Variants in KDM7A observed in about 807,000 individuals in gnomAD.
KDM7A encodes lysine demethylase 7A.
In KDM7A, 28 loss-of-function variants were observed where a neutral mutation model predicts 114.8. The ratio of observed to expected loss-of-function variants is 0.24; its 90% CI spans 0.18 to 0.33. The LOEUF is 0.33. KDM7A is among the 10% of genes least tolerant of loss of function. The pLI is 1.00. For missense variants in KDM7A, 942 were observed against 1,142.5 expected (o/e 0.82, Z 2.53); for synonymous variants, 423 against 397.8 (o/e 1.06, Z -0.75).
intron 1 of KDM7A, among the ~76,000 whole-genome samples, chr7:140,148,231 AAAAG>A (rs965914605): frequency 1.9e-4 from 29 of 152,158 alleles, no homozygotes; most frequent in African/African-American, 6.7e-4. Context: ...AAAAAAAAAA[AAAAG>A]AGAGAATTTG....
chr7:140,128,560 C>T (rs58266438), intron 4 of KDM7A, among the ~76,000 whole-genome samples: 7 of 152,182 alleles, frequency 4.6e-5, no homozygotes, highest in African/African-American at 9.7e-5. Context: ...ATGCTATCTA[C>T]GCAAATAGGT....
rs1794708612 is a variant in KDM7A, at chr7:140,176,400, A to G, written c.194+344T>C. Among the ~76,000 whole-genome samples, 2 of 127,786 alleles carry G rather than the reference A, an allele frequency of 1.6e-5. No individual in the cohort carries two copies. The highest frequency in any genetic ancestry group is 5.9e-4 in the South Asian group (2 of 3,384). 83.8% of individuals were successfully genotyped at this position (127,786 alleles called of 152,430 possible). On this transcript the variant is annotated intron_variant, in intron 1 of 19. Coordinates refer to ENST00000397560, the MANE Select transcript of KDM7A (RefSeq NM_030647.2). This position sits in a 1 kb window ranked among gnomAD's most constrained non-coding sequence, Gnocchi z 4.4. ...GGCCCGGGCTGGCGAGGGGCTGCGG[A>G]CCCGGCCGGCGCTCCGCCCGACGCC...
chr7:140,153,600 C>T (rs1304573222), intron 1 of KDM7A, among the ~76,000 whole-genome samples: 1 of 151,868 alleles, frequency 6.6e-6, no homozygotes, highest in African/African-American at 2.4e-5. Flanking sequence ...TTTGTCAAAG[C>T]ATTAAGAACT....
At chr7:140,152,807 A>G (rs1471196656) in intron 1 of KDM7A, among the ~76,000 whole-genome samples, 1 of 152,144 alleles carries the variant, frequency 6.6e-6, no homozygotes, top group Non-Finnish European at 1.5e-5. Context: ...ACCTATTCAC[A>G]TGTTGGATCC....
chr7:140,156,990 T>C (rs1557939), intron 1 of KDM7A, among the ~76,000 whole-genome samples: 64,440 of 151,716 alleles, frequency 0.42, 13,966 homozygotes, highest in African/African-American at 0.48. Flanking sequence ...AGCATCCTCC[T>C]AGGGATAAAC....
intron 1 of KDM7A, among the ~76,000 whole-genome samples, chr7:140,159,956 A>AAC (rs1554401431): frequency 6.6e-6 from 1 of 151,704 alleles, no homozygotes; most frequent in African/African-American, 2.4e-5. Flanking sequence ...AAAAAAAAAA[A>AAC]AAAAAAAAAC....
intron 1 of KDM7A, among the ~76,000 whole-genome samples, chr7:140,166,349 T>A (rs976054620): frequency 1.5e-4 from 23 of 148,554 alleles, no homozygotes; most frequent in Admixed American, 4.7e-4. Context: ...TTTTTTTTTT[T>A]TTTTTTTTGA....
chr7:140,121,512 C>A (rs1818617449), intron 7 of KDM7A, among the ~76,000 whole-genome samples: 1 of 152,210 alleles, frequency 6.6e-6, no homozygotes, highest in African/African-American at 2.4e-5. Context: ...AATTAGCAGT[C>A]TGTGCCAACT....
intron 11 of KDM7A, among the ~76,000 whole-genome samples, chr7:140,106,998 T>C (rs564487423): frequency 5.8e-4 from 89 of 152,372 alleles, no homozygotes; most frequent in Middle Eastern, 6.8e-3. Context: ...GCTCTTCTTG[T>C]TGAATTGATC....
At chr7:140,127,021 G>A (rs908414220) in intron 5 of KDM7A, among the ~76,000 whole-genome samples, 198 bp from the exon 6 acceptor site, 5 of 152,186 alleles carry the variant, frequency 3.3e-5, no homozygotes, top group African/African-American at 9.7e-5. Context: ...GTGCAGTGGC[G>A]CGATCCTGGC....
Position 140,128,566 on chromosome 7 carries a change from T to C in KDM7A, c.559+927A>G, listed in dbSNP as rs192813221. ...GTTTTGCAGATGCTATCTACGCAAATAGGTTCAGGTTAATCCTTAGCCCCA... is the reference window on the plus strand; with the variant it reads ...GTTTTGCAGATGCTATCTACGCAAACAGGTTCAGGTTAATCCTTAGCCCCA... On this transcript the variant is annotated intron_variant, in intron 4 of 19. Coordinates refer to ENST00000397560, the MANE Select transcript of KDM7A (RefSeq NM_030647.2). Among the ~76,000 whole-genome samples, 770 of 152,326 alleles carry C rather than the reference T, an allele frequency of 5.1e-3. 1 individual carries two copies. Among genetic ancestry groups the C allele is most frequent in the Non-Finnish European group, 7.3e-3 (495 of 68,028 alleles).
intron 18 of KDM7A, among the ~76,000 whole-genome samples, chr7:140,093,500 T>C (rs189349342): frequency 1.1e-4 from 17 of 152,348 alleles, no homozygotes; most frequent in Middle Eastern, 6.8e-3. Context: ...ACTTTGATTC[T>C]TTCTTTGGCT....
At chr7:140,150,752 A>G (rs560030250) in intron 1 of KDM7A, among the ~76,000 whole-genome samples, 21 of 152,300 alleles carry the variant, frequency 1.4e-4, no homozygotes, top group South Asian at 8.3e-4. Flanking sequence ...TTATTTTTAA[A>G]AAGAAAAACA....
intron 8 of KDM7A, 33 bp downstream of exon 8, chr7:140,120,409 A>T: frequency 2.3e-6 from 3 of 1,305,836 alleles, no homozygotes; most frequent in Non-Finnish European, 2.2e-6. Flanking sequence ...TTTAAAAAGG[A>T]CAAAAGGTCA....
Position 140,176,563 on chromosome 7 carries a change from G to T in KDM7A, c.194+181C>A, listed in dbSNP as rs940059347. On this transcript the variant is annotated intron_variant, in intron 1 of 19. Transcript: ENST00000397560. The surrounding 1 kb of genome is among the most constrained non-coding windows in gnomAD (Gnocchi z 4.4). ...GCCCACCGGCTCCCCTCTGGAGCCCGCCCGGCGAACCCGGGGCACCGCGCG... is the reference window on the plus strand; with the variant it reads ...GCCCACCGGCTCCCCTCTGGAGCCCTCCCGGCGAACCCGGGGCACCGCGCG... Among the ~76,000 whole-genome samples the T allele has an allele frequency of 6.8e-6, 1 of 146,468 alleles. No individual in the cohort carries two copies.
chr7:140,164,843 G>T (rs529101098), intron 1 of KDM7A, among the ~76,000 whole-genome samples: 65 of 152,320 alleles, frequency 4.3e-4, no homozygotes, highest in African/African-American at 1.4e-3. Context: ...ACTCACTGAA[G>T]CAGGCTTATT....
chr7:140,137,602 C>T (rs1374200156), intron 2 of KDM7A, among the ~76,000 whole-genome samples: 1 of 152,118 alleles, frequency 6.6e-6, no homozygotes, highest in Non-Finnish European at 1.5e-5. Flanking sequence ...ACATTTATGA[C>T]AATAAACTAG....
intron 13 of KDM7A, among the ~76,000 whole-genome samples, chr7:140,099,497 T>C (rs538376279): frequency 5.9e-4 from 90 of 152,252 alleles, no homozygotes; most frequent in Non-Finnish European, 1.2e-3. Context: ...CTGAGCTCAT[T>C]ACAGATTAAA....
At chr7:140,141,659 C>T (rs1205470206) in intron 1 of KDM7A, among the ~76,000 whole-genome samples, 1 of 151,734 alleles carries the variant, frequency 6.6e-6, no homozygotes, top group African/African-American at 2.4e-5. Flanking sequence ...TCTGGGAGGC[C>T]GAGGTGGGCG....
Sources: allele counts gnomAD v4.1 joint callset (sites outside exome capture counted in the v4.1 genomes callset), GRCh38; gene constraint gnomAD v4.1.1; non-coding constraint Gnocchi (gnomAD v3.1); transcripts MANE v1.5; gene names NCBI Gene and HGNC (gene_info 2026-07-23, HGNC 2026-07-21).